NT5DC1: variants seen among roughly 807,000 people sequenced by gnomAD.
The protein encoded by NT5DC1 is 5'-nucleotidase domain containing 1.
Under a neutral mutation model 59.4 loss-of-function variants are expected in NT5DC1, and 42 were observed. The observed-to-expected ratio is 0.71, with a 90% CI of 0.55 to 0.92. NT5DC1 has a LOEUF of 0.92. Ranked by LOEUF, NT5DC1 falls within the 40% of genes least tolerant of loss-of-function variation. NT5DC1 has a pLI of 0.00. For missense variants in NT5DC1, 501 were observed against 537.1 expected (o/e 0.93, Z 0.66); for synonymous variants, 172 against 188.1 (o/e 0.91, Z 0.70).
At chr6:116,143,647 A>G (rs1345603232) in intron 6 of NT5DC1, among the ~76,000 whole-genome samples, 2 of 151,948 alleles carry the variant, frequency 1.3e-5, no homozygotes, top group Admixed American at 6.6e-5. Context: ...GCCATTTTTT[A>G]TTGCTGTTAA....
chr6:116,182,880 T>G (rs1289180400), intron 6 of NT5DC1, among the ~76,000 whole-genome samples: 1 of 151,738 alleles, frequency 6.6e-6, no homozygotes, highest in African/African-American at 2.4e-5. Flanking sequence ...TGTATATAAT[T>G]AAGTCCCATC....
chr6:116,156,948 C>G (rs1460202803), intron 6 of NT5DC1, among the ~76,000 whole-genome samples: 1 of 152,088 alleles, frequency 6.6e-6, no homozygotes, highest in Non-Finnish European at 1.5e-5. Context: ...GCCACTCACT[C>G]CCTGGCAAGA....
intron 6 of NT5DC1, chr6:116,120,582 G>A: frequency 6.3e-7 from 1 of 1,592,892 alleles, no homozygotes; most frequent in South Asian, 1.1e-5. Context: ...GGGCCTGGAG[G>A]CCCAGGGGGC....
At chr6:116,141,885 AACACACACAC>A (rs3051942) in intron 6 of NT5DC1, among the ~76,000 whole-genome samples, 35 of 140,400 alleles carry the variant, frequency 2.5e-4, no homozygotes, top group South Asian at 4.6e-4. Flanking sequence ...CCAAAAAGAA[AACACACACAC>A]ACACACACAC....
chr6:116,150,394 C>T (rs1427564554), intron 6 of NT5DC1, among the ~76,000 whole-genome samples: 2 of 152,142 alleles, frequency 1.3e-5, no homozygotes, highest in Admixed American at 6.5e-5. Flanking sequence ...AAGCAATTCT[C>T]CTGCCTCAAC....
At chr6:116,172,985 T>C (rs1780645872) in intron 6 of NT5DC1, among the ~76,000 whole-genome samples, 1 of 152,186 alleles carries the variant, frequency 6.6e-6, no homozygotes, top group South Asian at 2.1e-4. Flanking sequence ...GATATCTTAA[T>C]TTTTTTACAT....
At chr6:116,128,342 C>T (rs76544601) in intron 6 of NT5DC1, among the ~76,000 whole-genome samples, 2,828 of 152,194 alleles carry the variant, frequency 0.019, 48 homozygotes, top group Non-Finnish European at 0.029. Flanking sequence ...TCTAGCCACA[C>T]CCCACCCAAT....
intron 6 of NT5DC1, among the ~76,000 whole-genome samples, chr6:116,124,297 T>C (rs548817831): frequency 6.6e-6 from 1 of 152,144 alleles, no homozygotes; most frequent in Non-Finnish European, 1.5e-5. Flanking sequence ...AATTAAAAAA[T>C]TATGGAAAGG....
chr6:116,141,886 AC>A, intron 6 of NT5DC1, among the ~76,000 whole-genome samples: 1 of 19,716 alleles, frequency 5.1e-5, no homozygotes, highest in Non-Finnish European at 9.4e-5. Context: ...CAAAAAGAAA[AC>A]ACACACACAC....
At chr6:116,217,318 C>T (rs914266731) in intron 6 of NT5DC1, among the ~76,000 whole-genome samples, 1 of 152,064 alleles carries the variant, frequency 6.6e-6, no homozygotes, top group Admixed American at 6.6e-5. Context: ...GAGAGCTAAA[C>T]TTTTATTCCT....
At chr6:116,213,205 G>A (rs1379417694) in intron 6 of NT5DC1, among the ~76,000 whole-genome samples, 2 of 152,182 alleles carry the variant, frequency 1.3e-5, no homozygotes, top group Admixed American at 6.5e-5. Flanking sequence ...TGTGGTTGCA[G>A]TCAGATGTCA....
intron 6 of NT5DC1, among the ~76,000 whole-genome samples, chr6:116,122,683 G>A (rs1002054905): frequency 6.6e-6 from 1 of 152,156 alleles, no homozygotes. Context: ...TGAAAAATGC[G>A]GCTGGGCCAC....
At chr6:116,112,971 G>A (rs557119987) in intron 4 of NT5DC1, among the ~76,000 whole-genome samples, 2 of 152,306 alleles carry the variant, frequency 1.3e-5, no homozygotes, top group Admixed American at 6.5e-5. Flanking sequence ...AAGCACTGAG[G>A]GATGTAGAGA....
At chr6:116,123,811 A>G (rs1053973742) in intron 6 of NT5DC1, among the ~76,000 whole-genome samples, 1 of 152,238 alleles carries the variant, frequency 6.6e-6, no homozygotes, top group Non-Finnish European at 1.5e-5. Context: ...TTTGTTCTGC[A>G]AAAGTAGCCA....
At chr6:116,119,800 A>C in intron 6 of NT5DC1, 1 of 335,800 alleles carries the variant, frequency 3.0e-6, no homozygotes, top group Non-Finnish European at 5.4e-6. Flanking sequence ...TTTTTAACAT[A>C]GCAGGACTTC....
intron 8 of NT5DC1, among the ~76,000 whole-genome samples, chr6:116,225,853 G>A (rs1781896675): frequency 6.6e-6 from 1 of 152,226 alleles, no homozygotes; most frequent in Non-Finnish European, 1.5e-5. Flanking sequence ...ATCTGCTGCA[G>A]TGGTTTTCAA....
Position 116,248,668 on chromosome 6 carries a change from TCA to T in NT5DC1, c.*4647_*4648del, listed in dbSNP as rs1449271413. 6.6e-6 allele frequency: 1 copy of T among 152,220 alleles called. No homozygotes were observed. Among genetic ancestry groups the T allele is most frequent in the Non-Finnish European group, 1.5e-5 (1 of 68,066 alleles). The allele number at this position is 152,220 out of a possible 1,614,324, so 9.4% of individuals were successfully genotyped here. A position where few individuals can be genotyped will look rare whatever the true frequency, so the allele number is the denominator to read the frequency against. ...GGTAATTATGCAGTGTCACCACTACTCACAGGGATTATGGCCTGAGAAACTAA... is the reference window on the plus strand; with the variant it reads ...GGTAATTATGCAGTGTCACCACTACTCAGGGATTATGGCCTGAGAAACTAA... On this transcript the variant is annotated 3_prime_UTR_variant, in exon 12 of 12. Transcript: ENST00000319550.
At chr6:116,103,845 A>T (rs1167560844) in intron 1 of NT5DC1, among the ~76,000 whole-genome samples, 1 of 152,204 alleles carries the variant, frequency 6.6e-6, no homozygotes, top group African/African-American at 2.4e-5. Context: ...CAGTTAACGT[A>T]GATGTGTGAG....
intron 8 of NT5DC1, among the ~76,000 whole-genome samples, chr6:116,223,944 GAA>G (rs1781858989): frequency 6.6e-6 from 1 of 152,096 alleles, no homozygotes; most frequent in Non-Finnish European, 1.5e-5. Flanking sequence ...GATCTACCTA[GAA>G]ATCTAGCTGT....
Sources: gnomAD v4.1 joint callset for allele counts (sites outside exome capture counted in the v4.1 genomes callset) on GRCh38, gnomAD v4.1.1 for gene constraint, MANE v1.5 for transcripts, NCBI Gene and HGNC (gene_info 2026-07-23, HGNC 2026-07-21) for gene names.